The following PBRM1 variants were observed in gnomAD, a reference collection of about 807,000 sequenced individuals.
PBRM1 encodes protein polybromo-1.
Under a neutral mutation model 194.5 loss-of-function variants are expected in PBRM1, and 27 were observed. That is an observed-to-expected ratio of 0.14 (90% CI 0.10 to 0.19). PBRM1 has a LOEUF of 0.19. Ranked by LOEUF, PBRM1 falls within the 10% of genes least tolerant of loss-of-function variation. PBRM1 has a pLI of 1.00. For synonymous variants in PBRM1, 655 were observed against 693.2 expected (o/e 0.94, Z 0.87); for missense variants, 1,466 against 2,077.2 (o/e 0.71, Z 5.72).
intron 16 of PBRM1, among the ~76,000 whole-genome samples, chr3:52,604,741 C>G (rs2094230402): frequency 6.6e-6 from 1 of 151,706 alleles, no homozygotes; most frequent in African/African-American, 2.4e-5. Context: ...TGGCTCACAC[C>G]TACAATCCCA....
intron 20 of PBRM1, among the ~76,000 whole-genome samples, chr3:52,579,403 T>C (rs2090514836): frequency 6.6e-6 from 1 of 152,094 alleles, no homozygotes; most frequent in Non-Finnish European, 1.5e-5. Context: ...TTGGGCAACA[T>C]AGTGAGACCT....
rs566737607 is a variant in PBRM1, at chr3:52,554,654, C to T, written c.4609+70G>A. On this transcript the variant is annotated intron_variant, in intron 27 of 29. Coordinates refer to ENST00000296302, the Ensembl canonical transcript of PBRM1. Reference sequence around the variant, plus strand: ...AATGGGCCACGGGTGCCTCCTGGAACAACTGGTTGAAAGCGGAAAAAGAGA... The same window carrying T: ...AATGGGCCACGGGTGCCTCCTGGAATAACTGGTTGAAAGCGGAAAAAGAGA... The T allele has an allele frequency of 3.8e-5, 53 of 1,380,832 alleles. 1 individual carries two copies. The South Asian group carries it at 4.9e-4, about 13-fold the overall frequency. 85.5% of individuals were successfully genotyped at this position (1,380,832 alleles called of 1,614,324 possible).
chr3:52,565,378 C>T (rs568868833), intron 22 of PBRM1, among the ~76,000 whole-genome samples: 489 of 150,432 alleles, frequency 3.3e-3, no homozygotes, highest in African/African-American at 0.011. Flanking sequence ...CTTGGTGGTG[C>T]GCTCCTGTAA....
Position 52,609,388 on chromosome 3 carries a change from T to C in PBRM1, c.2492A>G (p.Asn831Ser). 6.2e-7 allele frequency: 1 copy of C among 1,613,828 alleles called. No individual in the cohort carries two copies. Among genetic ancestry groups the C allele is most frequent in the Non-Finnish European group, 8.5e-7 (1 of 1,179,712 alleles). ...TAAATCAAGCCGACGGTAGCGATTA[T>C]TTTCAACATTCTTCCTAATTATGTC... Residue 831 changes from asparagine (N) to serine (S), a missense_variant, in exon 16 of 30, where the codon AAT becomes AGT. By Grantham distance (46) the Asn-to-Ser change is conservative. Coordinates refer to ENST00000296302, the Ensembl canonical transcript of PBRM1. This position sits in a 1 kb window ranked among gnomAD's most constrained non-coding sequence, Gnocchi z 4.1.
chr3:52,572,654 G>C (rs1575823941), intron 22 of PBRM1, among the ~76,000 whole-genome samples: 1 of 152,158 alleles, frequency 6.6e-6, no homozygotes, highest in East Asian at 1.9e-4. Flanking sequence ...GGGATTATAG[G>C]CGTGAGCCAT....
chr3:52,607,143 G>C (rs1235496971), intron 16 of PBRM1, among the ~76,000 whole-genome samples: 1 of 152,094 alleles, frequency 6.6e-6, no homozygotes, highest in Non-Finnish European at 1.5e-5. Context: ...AGTAGATAAA[G>C]GCATAGTTTA....
intron 10 of PBRM1, among the ~76,000 whole-genome samples, chr3:52,636,494 A>G (rs1361941805): frequency 2.0e-5 from 3 of 151,766 alleles, no homozygotes; most frequent in Admixed American, 2.0e-4. Flanking sequence ...ACGGTGGCTC[A>G]TGCCTGTAAT....
chr3:52,662,623 C>G (rs568124904), intron 3 of PBRM1, among the ~76,000 whole-genome samples: 1 of 152,030 alleles, frequency 6.6e-6, no homozygotes, highest in African/African-American at 2.4e-5. Context: ...GTCAAGAGAT[C>G]GAGACCATCC....
chr3:52,637,745 T>C (rs1277155022), intron 10 of PBRM1, among the ~76,000 whole-genome samples: 2 of 117,960 alleles, frequency 1.7e-5, no homozygotes, highest in African/African-American at 3.1e-5. Context: ...CTGGCCAACA[T>C]GGCAAAACCA....
intron 11 of PBRM1, among the ~76,000 whole-genome samples, chr3:52,631,119 T>C (rs2095603585): frequency 6.6e-6 from 1 of 152,206 alleles, no homozygotes; most frequent in Non-Finnish European, 1.5e-5. Flanking sequence ...ACTAATCTTC[T>C]GTATCCTACT....
At chr3:52,654,304 C>A (rs373073606) in intron 5 of PBRM1, among the ~76,000 whole-genome samples, 8 of 152,210 alleles carry the variant, frequency 5.3e-5, no homozygotes, top group Admixed American at 4.6e-4. Flanking sequence ...ACTTTCTTAA[C>A]CCTACTCCTT....
chr3:52,577,844 C>A (rs1305146921), intron 21 of PBRM1, among the ~76,000 whole-genome samples: 1 of 152,182 alleles, frequency 6.6e-6, no homozygotes, highest in Non-Finnish European at 1.5e-5. Flanking sequence ...ATAGGCAGAG[C>A]AATCCTATTA....
At chr3:52,668,807 A>G (rs916197346) in intron 2 of PBRM1, among the ~76,000 whole-genome samples, 162 bp from the exon 4 acceptor site, 4 of 151,540 alleles carry the variant, frequency 2.6e-5, no homozygotes, top group Non-Finnish European at 5.9e-5. Context: ...AAAGAAAAAA[A>G]TCTGCAAAAA....
At chr3:52,646,950 C>A (rs1049677340) in intron 7 of PBRM1, among the ~76,000 whole-genome samples, 1 of 151,980 alleles carries the variant, frequency 6.6e-6, no homozygotes, top group Admixed American at 6.6e-5. Context: ...TCAACAGACA[C>A]AATCACAAAA....
intron 8 of PBRM1, among the ~76,000 whole-genome samples, chr3:52,643,882 G>T (rs1174033345): frequency 3.9e-5 from 6 of 151,978 alleles, no homozygotes; most frequent in African/African-American, 1.5e-4. Flanking sequence ...TAAGGCAAAA[G>T]AATTGCTTGA....
At position 52,569,534 on chromosome 3, in the gene PBRM1, T is replaced by G. The variant is rs145825804; in HGVS notation, c.3692-5301A>C. On this transcript the variant is annotated intron_variant, in intron 22 of 29. Transcript: ENST00000296302. ...CTTCAATATGATTTTTAAAATGAGT[T>G]CACATAGTATCAACTTCCTCACAAG... is the stretch of plus-strand genomic sequence containing the variant. 2.6e-5 allele frequency among the ~76,000 whole-genome samples: 4 copies of G among 152,150 alleles called. No homozygotes were observed. In the East Asian group the frequency reaches 7.7e-4, roughly 29 times the overall value.
At chr3:52,597,823 C>T (rs985095015) in intron 17 of PBRM1, among the ~76,000 whole-genome samples, 8 of 152,262 alleles carry the variant, frequency 5.3e-5, no homozygotes, top group East Asian at 1.9e-4. Context: ...CTTGCCTCAG[C>T]CTCCCGAGTA....
exon 29 of PBRM1, chr3:52,550,535 C>A: frequency 6.4e-7 from 1 of 1,571,332 alleles, no homozygotes; most frequent in African/African-American, 1.4e-5. Context: ...GGGGGAGCTA[C>A]AAACATGGGT....
chr3:52,654,838 A>G (rs546931237), intron 5 of PBRM1, among the ~76,000 whole-genome samples: 45 of 152,198 alleles, frequency 3.0e-4, no homozygotes, highest in African/African-American at 1.1e-3. Flanking sequence ...CCTAGGTTGG[A>G]GTGAAGTGGC....
Sources: gnomAD v4.1 joint callset for allele counts (sites outside exome capture counted in the v4.1 genomes callset) on GRCh38, gnomAD v4.1.1 for gene constraint, Gnocchi (gnomAD v3.1) non-coding constraint, MANE v1.5 for transcripts, NCBI Gene and HGNC (gene_info 2026-07-23, HGNC 2026-07-21) for gene names.